Variants in DOK6 observed in about 807,000 individuals in gnomAD.
DOK6 encodes the protein downstream of tyrosine kinase 6.
DOK6 carries 22 observed loss-of-function variants against 44.0 expected under a neutral mutation model. The ratio of observed to expected loss-of-function variants is 0.50; its 90% CI spans 0.36 to 0.71. DOK6 has a LOEUF of 0.71. Ranked by LOEUF, DOK6 falls within the 30% of genes least tolerant of loss-of-function variation. The pLI is 0.00. For missense variants in DOK6, 340 were observed against 416.4 expected (o/e 0.82, Z 1.60); for synonymous variants, 166 against 145.5 (o/e 1.14, Z -1.01).
intron 5 of DOK6, among the ~76,000 whole-genome samples, chr18:69,729,213 C>T (rs1978332660): frequency 6.6e-6 from 1 of 152,248 alleles, no homozygotes; most frequent in Admixed American, 6.5e-5. Flanking sequence ...ATACATACAA[C>T]ATACAAATAC....
At chr18:69,520,688 T>A (rs1981660548) in intron 1 of DOK6, among the ~76,000 whole-genome samples, 1 of 151,936 alleles carries the variant, frequency 6.6e-6, no homozygotes, top group Non-Finnish European at 1.5e-5. Flanking sequence ...GTGCTTGGAC[T>A]TGGGTCTCAT....
intron 1 of DOK6, 22 bp downstream of exon 1, chr18:69,401,332 C>A: frequency 6.7e-7 from 1 of 1,498,246 alleles, no homozygotes; most frequent in Non-Finnish European, 8.9e-7. Flanking sequence ...GCTCGGCTTG[C>A]TCCTTCCCCG....
chr18:69,713,420 C>G (rs1339732204), intron 5 of DOK6, among the ~76,000 whole-genome samples: 1 of 152,016 alleles, frequency 6.6e-6, no homozygotes, highest in Non-Finnish European at 1.5e-5. Context: ...TCCTGCATAC[C>G]AAATCTCTTT....
intron 6 of DOK6, among the ~76,000 whole-genome samples, chr18:69,756,742 G>A (rs1293744211): frequency 6.6e-6 from 1 of 152,182 alleles, no homozygotes; most frequent in African/African-American, 2.4e-5. Context: ...GGCACGGGGT[G>A]TGCAGGTGCA....
intron 1 of DOK6, among the ~76,000 whole-genome samples, chr18:69,503,907 T>C (rs1305690297): frequency 2.6e-5 from 4 of 152,028 alleles, no homozygotes; most frequent in African/African-American, 9.6e-5. Flanking sequence ...GTCTCAAACA[T>C]TGTTTCAAAA....
At chr18:69,820,510 T>A (rs60987272) in intron 7 of DOK6, among the ~76,000 whole-genome samples, 2,353 of 152,222 alleles carry the variant, frequency 0.015, 57 homozygotes, top group African/African-American at 0.053. Flanking sequence ...ACAGAGACAT[T>A]TGGCCTTAAA....
chr18:69,471,577 G>GTTT (rs373508332), intron 1 of DOK6: 8 of 139,874 alleles, frequency 5.7e-5, no homozygotes, highest in African/African-American at 2.0e-4. Flanking sequence ...ATTTATGAGG[G>GTTT]TTTTTTTGTT....
At chr18:69,810,782 A>C (rs1191875123) in intron 7 of DOK6, among the ~76,000 whole-genome samples, 2 of 152,022 alleles carry the variant, frequency 1.3e-5, no homozygotes, top group Non-Finnish European at 2.9e-5. Context: ...GGTTATTGTC[A>C]AACAGACAAA....
chr18:69,796,647 A>T (rs904263899), intron 7 of DOK6, among the ~76,000 whole-genome samples: 3 of 152,218 alleles, frequency 2.0e-5, no homozygotes, highest in African/African-American at 7.2e-5. Flanking sequence ...GTCACTGGCA[A>T]TGCCCCATCA....
intron 7 of DOK6, among the ~76,000 whole-genome samples, chr18:69,794,408 GT>G (rs1303233929): frequency 6.6e-6 from 1 of 152,022 alleles, no homozygotes; most frequent in Admixed American, 6.6e-5. Flanking sequence ...ACCAAAATAT[GT>G]TTTTTTAACC....
chr18:69,723,207 T>C (rs1050117960), intron 5 of DOK6, among the ~76,000 whole-genome samples: 4 of 152,204 alleles, frequency 2.6e-5, no homozygotes, highest in African/African-American at 9.6e-5. Context: ...AGGTGGAAGA[T>C]AGCACAGCCC....
intron 7 of DOK6, among the ~76,000 whole-genome samples, chr18:69,840,195 G>A (rs527837053): frequency 2.0e-5 from 3 of 152,238 alleles, no homozygotes; most frequent in African/African-American, 7.2e-5. Context: ...GGTGCTCGGC[G>A]TTAACAGATT....
intron 2 of DOK6, among the ~76,000 whole-genome samples, chr18:69,573,885 A>G (rs1188473751): frequency 6.6e-6 from 1 of 151,936 alleles, no homozygotes; most frequent in East Asian, 1.9e-4. Flanking sequence ...AATGTGATCT[A>G]TTCTTCCTAG....
At chr18:69,449,077 T>A (rs893589671) in intron 1 of DOK6, among the ~76,000 whole-genome samples, 1 of 152,242 alleles carries the variant, frequency 6.6e-6, no homozygotes, top group Non-Finnish European at 1.5e-5. Context: ...ATCCTAGAGA[T>A]CTTTCGCTCT....
intron 1 of DOK6, among the ~76,000 whole-genome samples, chr18:69,495,338 C>T (rs538186806): frequency 1.3e-5 from 2 of 152,202 alleles, no homozygotes; most frequent in Non-Finnish European, 2.9e-5. Context: ...TCTTTCAGCC[C>T]TGCCGTTCCA....
At chr18:69,573,749 C>T (rs978022599) in intron 2 of DOK6, among the ~76,000 whole-genome samples, 5 of 151,902 alleles carry the variant, frequency 3.3e-5, no homozygotes, top group African/African-American at 4.8e-5. Flanking sequence ...CTTCTTTCCA[C>T]TGTCTTAACT....
intron 1 of DOK6, among the ~76,000 whole-genome samples, chr18:69,554,990 T>C (rs1424656992): frequency 6.6e-6 from 1 of 152,198 alleles, no homozygotes; most frequent in Non-Finnish European, 1.5e-5. Flanking sequence ...CTGTCTTCTT[T>C]TGGATTATTT....
chr18:69,404,995 C>A (rs1916175005), intron 1 of DOK6, among the ~76,000 whole-genome samples: 1 of 152,210 alleles, frequency 6.6e-6, no homozygotes, highest in Non-Finnish European at 1.5e-5. Context: ...TGTCACTTTG[C>A]ACCAACTTCG....
intron 5 of DOK6, among the ~76,000 whole-genome samples, chr18:69,734,998 C>T (rs1381519403): frequency 6.6e-6 from 1 of 152,182 alleles, no homozygotes; most frequent in Non-Finnish European, 1.5e-5. Flanking sequence ...TTCCTCCACG[C>T]ACCATGTTAG....
Sources: gnomAD v4.1 joint callset for allele counts (sites outside exome capture counted in the v4.1 genomes callset) on GRCh38, gnomAD v4.1.1 for gene constraint, MANE v1.5 for transcripts, NCBI Gene and HGNC (gene_info 2026-07-23, HGNC 2026-07-21) for gene names.